Variants in SLC25A28 observed in about 807,000 individuals in gnomAD.
The protein encoded by SLC25A28 is solute carrier family 25 member 28.
In SLC25A28, 10 loss-of-function variants were observed where a neutral mutation model predicts 31.9. The ratio of observed to expected loss-of-function variants is 0.31; its 90% confidence interval spans 0.19 to 0.53. The LOEUF (loss-of-function observed/expected upper bound fraction) is 0.53, where lower values mean the gene tolerates loss of function less well. SLC25A28 is among the 20% of genes least tolerant of loss of function. The probability of loss-of-function intolerance (pLI) is 0.95; values close to 1 mark genes in which losing one functional copy is unlikely to be tolerated. For missense variants in SLC25A28, 256 were observed against 490.3 expected (o/e 0.52, Z 4.51); for synonymous variants, 208 against 203.6 (o/e 1.02, Z -0.19).
At chr10:99,619,719 G>C (rs2034738710) in intron 1 of SLC25A28, among the ~76,000 whole-genome samples, 2 of 152,194 alleles carry the variant, frequency 1.3e-5, no homozygotes, top group Admixed American at 1.3e-4. Context: ...CGAGTTAGTA[G>C]CACTTACCTG....
At chr10:99,645,003 T>A in the SLC25A28 span, among the ~76,000 whole-genome samples, 15 of 152,306 alleles carry the variant, frequency 9.8e-5, no homozygotes, top group African/African-American at 2.4e-4. Context: ...CCTTCATTTC[T>A]ACTTTGGTGA....
In SLC25A28 at chr10:99,613,597, A is replaced by C; in HGVS notation, c.520+99T>G. 6.3e-7 allele frequency: 1 copy of C among 1,581,432 alleles called. No individual in the cohort carries two copies. The highest frequency in any genetic ancestry group is 8.6e-7 in the Non-Finnish European group (1 of 1,163,742). On this transcript the variant is annotated intron_variant, in intron 2 of 3. Transcript: ENST00000370495. The surrounding 1 kb of genome is among the most constrained non-coding windows in gnomAD (Gnocchi z 4.9). ...TATAATCTGGCCTATCCCAGCCCAAAGCTTCAGCTCCAAACCATGCTGAGA... is the reference window on the plus strand; with the variant it reads ...TATAATCTGGCCTATCCCAGCCCAACGCTTCAGCTCCAAACCATGCTGAGA...
At chr10:99,639,122 A>G in the SLC25A28 span, among the ~76,000 whole-genome samples, 1 of 151,750 alleles carries the variant, frequency 6.6e-6, no homozygotes, top group African/African-American at 2.4e-5. Context: ...ATATTTCTCA[A>G]TAATATATAT....
the SLC25A28 span, among the ~76,000 whole-genome samples, chr10:99,639,231 A>C: frequency 4.0e-5 from 6 of 151,842 alleles, no homozygotes; most frequent in Non-Finnish European, 8.8e-5. Flanking sequence ...AGGGTAACTC[A>C]GGAATGGAAA....
At chr10:99,641,417 G>C in the SLC25A28 span, among the ~76,000 whole-genome samples, 2 of 147,676 alleles carry the variant, frequency 1.4e-5, no homozygotes, top group African/African-American at 5.3e-5. Flanking sequence ...GGGGTTGTTT[G>C]ATTTTTTTCT....
intron 1 of SLC25A28, chr10:99,619,048 C>T (rs2034724294): frequency 1.0e-6 from 1 of 985,330 alleles, no homozygotes; most frequent in South Asian, 4.7e-5. Context: ...CCTTTAATGG[C>T]TGGCACCTTT....
the SLC25A28 span, chr10:99,652,022 G>A: frequency 2.0e-5 from 3 of 152,208 alleles, no homozygotes; most frequent in Non-Finnish European, 1.5e-5. Flanking sequence ...AAGTTTTATC[G>A]TTTTAGCTCT....
the SLC25A28 span, among the ~76,000 whole-genome samples, chr10:99,646,659 G>C: frequency 9.9e-5 from 15 of 152,180 alleles, no homozygotes; most frequent in Non-Finnish European, 1.8e-4. Context: ...CTGTAGACTA[G>C]AGCTGTTCCT....
chr10:99,636,358 C>G, the SLC25A28 span, among the ~76,000 whole-genome samples: 1 of 152,140 alleles, frequency 6.6e-6, no homozygotes, highest in South Asian at 2.1e-4. Flanking sequence ...ATTAAATAAC[C>G]TGCTCCCGAA....
At chr10:99,622,700 C>G (rs906591018), upstream of SLC25A28, 5 of 985,332 alleles carry the variant, frequency 5.1e-6, no homozygotes, top group African/African-American at 3.5e-5. Flanking sequence ...TTACACTTCT[C>G]TAGCCATTGA....
At chr10:99,632,931 GA>G in the SLC25A28 span, among the ~76,000 whole-genome samples, 3 of 152,146 alleles carry the variant, frequency 2.0e-5, no homozygotes. Context: ...AGCTTTCCTT[GA>G]ATGTTATCAA....
At chr10:99,648,680 T>A in the SLC25A28 span, among the ~76,000 whole-genome samples, 1 of 143,802 alleles carries the variant, frequency 7.0e-6, no homozygotes, top group Non-Finnish European at 1.5e-5. Flanking sequence ...TTAAATATAT[T>A]CCTAGGTTTT....
chr10:99,612,443 G>T, intron 3 of SLC25A28, 100 bp downstream of exon 3: 1 of 1,371,112 alleles, frequency 7.3e-7, no homozygotes, highest in Non-Finnish European at 1.0e-6. Context: ...GTAAAACAAG[G>T]TAACAGAATT....
chr10:99,654,789 C>T, the SLC25A28 span, among the ~76,000 whole-genome samples: 2 of 152,264 alleles, frequency 1.3e-5, no homozygotes, highest in Non-Finnish European at 2.9e-5. Context: ...GGCTGGAGTG[C>T]GGTGGCTACT....
Position 99,611,324 on chromosome 10 carries a change from C to T in SLC25A28, c.620G>A (p.Arg207Gln), listed in dbSNP as rs1333061279. Residue 207 changes from arginine to glutamine, a missense_variant, in exon 4 of 4, where the codon CGG becomes CAG. Coordinates refer to ENST00000370495, the MANE Select transcript of SLC25A28 (RefSeq NM_031212.4). This position sits in a 1 kb window ranked among gnomAD's most constrained non-coding sequence, Gnocchi z 5.5. Reference sequence around the variant, plus strand: ...CACTGCCCGTACACAGTCTGTCACCCGGTGGTATGGTGAGTTGTACATCTG... The same window carrying T: ...CACTGCCCGTACACAGTCTGTCACCTGGTGGTATGGTGAGTTGTACATCTG... ...RMQMYNSPYH[R>Q]VTDCVRAVWQ... 1 of 1,614,104 alleles carries T rather than the reference C, an allele frequency of 6.2e-7. No individual in the cohort carries two copies. Among genetic ancestry groups the T allele is most frequent in the Non-Finnish European group, 8.5e-7 (1 of 1,180,036 alleles).
At chr10:99,621,922 C>T (rs765731068), upstream of SLC25A28, 1 of 152,264 alleles carries the variant, frequency 6.6e-6, no homozygotes, top group Admixed American at 6.5e-5. Flanking sequence ...TCTCCTACTT[C>T]CACCTCCCAT....
In SLC25A28 at chr10:99,613,742, T is replaced by C; in HGVS notation, c.474A>G (p.Thr158=). The change falls in exon 2 of 4, where the codon ACA becomes ACG. Residue 158 remains threonine, a synonymous_variant. Transcript: ENST00000370495. The surrounding 1 kb of genome is among the most constrained non-coding windows in gnomAD (Gnocchi z 4.9). ...CCCCAGGGTGGATTACATCACTCAA[T>C]GTCTTTTTTAACTTTTCGTAGCAGG... ...YFACYEKLKK[T]LSDVIHPGGN... The C allele has an allele frequency of 6.2e-7, 1 of 1,614,202 alleles. No homozygotes were observed. Among genetic ancestry groups the C allele is most frequent in the Non-Finnish European group, 8.5e-7 (1 of 1,180,028 alleles).
the SLC25A28 span, among the ~76,000 whole-genome samples, chr10:99,626,653 T>TAACA: frequency 6.6e-6 from 1 of 152,216 alleles, no homozygotes; most frequent in East Asian, 1.9e-4. Flanking sequence ...AATCAAGATA[T>TAACA]AACAGTAGAC....
the SLC25A28 span, among the ~76,000 whole-genome samples, chr10:99,635,274 C>A: frequency 1.7e-4 from 26 of 152,294 alleles, no homozygotes; most frequent in South Asian, 5.0e-3. Flanking sequence ...AACCAAGGTA[C>A]ACAGACCACA....
Sources: gnomAD v4.1 joint callset for allele counts (sites outside exome capture counted in the v4.1 genomes callset) on GRCh38, gnomAD v4.1.1 for gene constraint, Gnocchi (gnomAD v3.1) non-coding constraint, MANE v1.5 for transcripts, NCBI Gene and HGNC (gene_info 2026-07-23, HGNC 2026-07-21) for gene names.